The following DPYD variants were observed in gnomAD, a reference collection of about 807,000 sequenced individuals.
The protein encoded by DPYD is dihydropyrimidine dehydrogenase [NADP(+)].
A neutral mutation model predicts 116.2 loss-of-function variants in DPYD; 109 were observed. That is an observed-to-expected ratio of 0.94 (90% CI 0.80 to 1.10). DPYD has a LOEUF of 1.10. DPYD is among the 50% of genes least tolerant of loss of function. DPYD has a pLI of 0.00. For synonymous variants in DPYD, 440 were observed against 432.0 expected (o/e 1.02, Z -0.23); for missense variants, 1,302 against 1,254.5 (o/e 1.04, Z -0.57).
chr1:97,195,444 C>T (rs1658684325), intron 19 of DPYD, among the ~76,000 whole-genome samples: 2 of 147,236 alleles, frequency 1.4e-5, no homozygotes, highest in Admixed American at 6.9e-5. Context: ...CTACCTGATA[C>T]CTCATTGTTG....
chr1:97,744,212 G>A (rs892666166), intron 3 of DPYD, among the ~76,000 whole-genome samples: 2 of 151,960 alleles, frequency 1.3e-5, no homozygotes, highest in Non-Finnish European at 2.9e-5. Context: ...AGAGAAACAT[G>A]ATTCCTCTTC....
At chr1:97,719,988 T>C in intron 5 of DPYD, 1 of 985,086 alleles carries the variant, frequency 1.0e-6, no homozygotes, top group Non-Finnish European at 1.2e-6. Context: ...TAATAAATTC[T>C]GTTCTGAAGG....
At chr1:97,125,882 G>T (rs557684546) in intron 20 of DPYD, among the ~76,000 whole-genome samples, 115 of 152,156 alleles carry the variant, frequency 7.6e-4, no homozygotes, top group African/African-American at 2.7e-3. Context: ...TTTTGACATA[G>T]CAGTCTAAAC....
At position 97,160,413 on chromosome 1, in the gene DPYD, T is replaced by C. The variant is rs373929173; in HGVS notation, c.2622+32656A>G. On this transcript the variant is annotated intron_variant, in intron 20 of 22. Coordinates refer to ENST00000370192, the MANE Select transcript of DPYD (RefSeq NM_000110.4). ...CTAAACTAACACTGTATCTTTTCTG[T>C]AGTACTGATAAGAAAATTGAAAATG... Among the ~76,000 whole-genome samples the C allele has an allele frequency of 1.1e-4, 16 of 152,146 alleles. 1 individual carries two copies. The East Asian group carries it at 2.9e-3, about 28-fold the overall frequency.
chr1:97,428,317 A>G (rs1674989044), intron 14 of DPYD, among the ~76,000 whole-genome samples: 2 of 152,124 alleles, frequency 1.3e-5, no homozygotes, highest in Non-Finnish European at 2.9e-5. Flanking sequence ...AACATCAACA[A>G]TCCCACAAAT....
At chr1:97,192,415 C>T (rs1359122692) in intron 20 of DPYD, among the ~76,000 whole-genome samples, 2 of 152,018 alleles carry the variant, frequency 1.3e-5, no homozygotes, top group Non-Finnish European at 2.9e-5. Context: ...TTTTCCTCCC[C>T]TCATTGAGGG....
chr1:97,706,848 G>T (rs968344748), intron 5 of DPYD, among the ~76,000 whole-genome samples: 31 of 152,018 alleles, frequency 2.0e-4, no homozygotes, highest in Non-Finnish European at 8.8e-5. Flanking sequence ...GTTAACGTAA[G>T]TTTTCAACTC....
At chr1:97,380,491 G>T (rs1472506592) in intron 15 of DPYD, among the ~76,000 whole-genome samples, 2 of 152,214 alleles carry the variant, frequency 1.3e-5, no homozygotes, top group African/African-American at 4.8e-5. Flanking sequence ...AGGCTCTACT[G>T]CTCCATATGT....
intron 2 of DPYD, among the ~76,000 whole-genome samples, chr1:97,829,163 CTAAA>C (rs993254318): frequency 6.6e-6 from 1 of 151,372 alleles, no homozygotes; most frequent in African/African-American, 2.4e-5. Flanking sequence ...GAAAGAAAAA[CTAAA>C]TGACAAAATT....
intron 14 of DPYD, among the ~76,000 whole-genome samples, chr1:97,389,323 AAC>A (rs1288811598): frequency 1.4e-5 from 2 of 147,332 alleles, no homozygotes; most frequent in Non-Finnish European, 3.0e-5. Flanking sequence ...AAAAAAAAAA[AAC>A]GAAGAAAGAA....
chr1:97,082,570 A>G lies in DPYD; in HGVS notation c.2767-100T>C, dbSNP rs1649233218. The G allele has an allele frequency of 2.9e-6, 4 of 1,391,312 alleles. No homozygotes were observed. In the East Asian group the frequency reaches 9.2e-5, roughly 32 times the overall value. The allele number at this position is 1,391,312 out of a possible 1,614,324, so 86.2% of individuals were successfully genotyped here. On this transcript the variant is annotated intron_variant, in intron 21 of 22. Coordinates refer to ENST00000370192, the MANE Select transcript of DPYD (RefSeq NM_000110.4). Reference sequence around the variant, plus strand: ...TTTTCCTGTTTTTATACAATGTTGCATTATATTAACTTGGGAGACTGGATA... The same window carrying G: ...TTTTCCTGTTTTTATACAATGTTGCGTTATATTAACTTGGGAGACTGGATA...
chr1:97,289,196 T>C (rs944076781), intron 18 of DPYD, among the ~76,000 whole-genome samples: 1 of 152,014 alleles, frequency 6.6e-6, no homozygotes, highest in Non-Finnish European at 1.5e-5. Context: ...CAATAATCAA[T>C]AGCTTACCAA....
chr1:97,525,789 A>AGAGAGAGAGAGAGAGAGAGT (rs1431555133), intron 12 of DPYD, among the ~76,000 whole-genome samples: 2 of 142,612 alleles, frequency 1.4e-5, no homozygotes, highest in African/African-American at 2.7e-5. Flanking sequence ...AGAGAGAGAG[A>AGAGAGAGAGAGAGAGAGAGT]GTGTGTGTGT....
intron 13 of DPYD, among the ~76,000 whole-genome samples, chr1:97,491,211 T>C (rs1044120993): frequency 6.8e-6 from 1 of 147,830 alleles, no homozygotes; most frequent in Non-Finnish European, 1.5e-5. Context: ...AGTATATTAT[T>C]ATATATTTGT....
intron 18 of DPYD, among the ~76,000 whole-genome samples, chr1:97,257,586 T>C (rs1663584223): frequency 6.6e-6 from 1 of 151,722 alleles, no homozygotes; most frequent in South Asian, 2.1e-4. Flanking sequence ...TATATGTGTA[T>C]ATATATGGTA....
chr1:97,516,085 T>C, intron 12 of DPYD, 144 bp from the exon 13 acceptor site: 2 of 814,652 alleles, frequency 2.5e-6, no homozygotes, highest in South Asian at 3.1e-5. Flanking sequence ...TGGCAAAAAG[T>C]CAGTGAGCAG....
intron 2 of DPYD, among the ~76,000 whole-genome samples, chr1:97,871,575 G>A (rs1319328828): frequency 6.7e-6 from 1 of 149,006 alleles, no homozygotes; most frequent in Non-Finnish European, 1.5e-5. Flanking sequence ...TTTTGGAGAA[G>A]GGAGAAATAC....
chr1:97,537,653 A>G (rs200822873), intron 12 of DPYD, among the ~76,000 whole-genome samples: 1 of 129,094 alleles, frequency 7.7e-6, no homozygotes, highest in Admixed American at 8.2e-5. Flanking sequence ...TGTCTTTATA[A>G]TTGTCTGTTC....
intron 20 of DPYD, among the ~76,000 whole-genome samples, chr1:97,105,712 G>T (rs917867718): frequency 6.6e-6 from 1 of 152,120 alleles, no homozygotes; most frequent in Non-Finnish European, 1.5e-5. Flanking sequence ...ATACGTCATT[G>T]TAAGGAGAAA....
Sources: allele counts gnomAD v4.1 joint callset (sites outside exome capture counted in the v4.1 genomes callset), GRCh38; gene constraint gnomAD v4.1.1; transcripts MANE v1.5; gene names NCBI Gene and HGNC (gene_info 2026-07-23, HGNC 2026-07-21).